The following IMMP2L variants were observed in gnomAD, a reference collection of about 807,000 sequenced individuals.
IMMP2L encodes the protein mitochondrial inner membrane protease subunit 2.
IMMP2L carries 18 observed loss-of-function variants against 19.3 expected under a neutral mutation model. The observed-to-expected ratio is 0.93, with a 90% CI of 0.64 to 1.38. The LOEUF is 1.38. IMMP2L is among the 40% of genes most tolerant of loss of function. The pLI, the probability that IMMP2L is intolerant of heterozygous loss-of-function variation, is 0.00. For synonymous variants in IMMP2L, 76 were observed against 73.0 expected (o/e 1.04, Z -0.21); for missense variants, 233 against 218.2 (o/e 1.07, Z -0.43).
At chr7:110,967,910 A>G (rs1436624758) in intron 3 of IMMP2L, among the ~76,000 whole-genome samples, 1 of 152,110 alleles carries the variant, frequency 6.6e-6, no homozygotes, top group Non-Finnish European at 1.5e-5. Context: ...ATTTGAAAAA[A>G]TGTTGCCAGA....
intron 5 of IMMP2L, among the ~76,000 whole-genome samples, chr7:110,704,732 G>T (rs141201104): frequency 1.7e-4 from 26 of 152,274 alleles, no homozygotes; most frequent in African/African-American, 5.8e-4. Context: ...AAGAAAGTAA[G>T]ACTATCAGGA....
At position 111,470,440 on chromosome 7, in the gene IMMP2L, A is replaced by G. The variant is rs1585236101; in HGVS notation, c.239+16798T>C. On this transcript the variant is annotated intron_variant, in intron 3 of 5. Coordinates refer to ENST00000405709, the MANE Select transcript of IMMP2L (RefSeq NM_032549.4). ...CATGCACACGTATGTTTATTGTGGC[A>G]CTATTCACAATAGCAAAGACTTGGA... 2.6e-5 allele frequency among the ~76,000 whole-genome samples: 4 copies of G among 152,154 alleles called. No individual in the cohort carries two copies. The East Asian group carries it at 7.7e-4, about 29-fold the overall frequency.
chr7:111,054,837 GA>G (rs529255638), intron 3 of IMMP2L, among the ~76,000 whole-genome samples: 1 of 152,188 alleles, frequency 6.6e-6, no homozygotes, highest in South Asian at 2.1e-4. Flanking sequence ...ATGTCTTCCC[GA>G]TGTGATAAAT....
At position 110,886,844 on chromosome 7, in the gene IMMP2L, T is replaced by A. The variant is rs932376687; in HGVS notation, c.306-149A>T. 8.0e-6 allele frequency: 4 copies of A among 500,872 alleles called. No individual in the cohort carries two copies. The Admixed American group carries it at 1.5e-4, about 19-fold the overall frequency. The allele number at this position is 500,872 out of a possible 1,614,324, so 31.0% of individuals were successfully genotyped here. A position where few individuals can be genotyped will look rare whatever the true frequency, so the allele number is the denominator to read the frequency against. On this transcript the variant is annotated intron_variant, in intron 4 of 5. Coordinates refer to ENST00000405709, the MANE Select transcript of IMMP2L (RefSeq NM_032549.4). ...TCCATAATTTCATTTTTAAGGAAGA[T>A]GTGGTTAGAGCAATTTGAATCTATT...
At chr7:111,300,016 T>C (rs1197497139) in intron 3 of IMMP2L, among the ~76,000 whole-genome samples, 1 of 152,164 alleles carries the variant, frequency 6.6e-6, no homozygotes, top group African/African-American at 2.4e-5. Flanking sequence ...GTAAAACTTA[T>C]TTTGAAGGAA....
chr7:111,407,822 A>G (rs568099072), intron 3 of IMMP2L, among the ~76,000 whole-genome samples: 2 of 152,180 alleles, frequency 1.3e-5, no homozygotes, highest in South Asian at 4.1e-4. Context: ...ATAAATAAAG[A>G]CATAAAAAAG....
At chr7:110,969,802 C>A (rs1309507320) in intron 3 of IMMP2L, among the ~76,000 whole-genome samples, 1 of 152,098 alleles carries the variant, frequency 6.6e-6, no homozygotes, top group Non-Finnish European at 1.5e-5. Flanking sequence ...CTGAATCAGG[C>A]TACTAAGCAG....
At chr7:110,814,661 G>A (rs1310770733) in intron 5 of IMMP2L, among the ~76,000 whole-genome samples, 6 of 148,424 alleles carry the variant, frequency 4.0e-5, no homozygotes, top group Admixed American at 6.7e-5. Context: ...ATCGCTCAGA[G>A]TAGAATTCTT....
At chr7:110,922,637 A>G (rs1814415295) in intron 4 of IMMP2L, among the ~76,000 whole-genome samples, 1 of 152,082 alleles carries the variant, frequency 6.6e-6, no homozygotes, top group African/African-American at 2.4e-5. Flanking sequence ...CACTTAATCT[A>G]CTGGTTGGGT....
chr7:110,744,292 C>G (rs1247210202), intron 5 of IMMP2L, among the ~76,000 whole-genome samples: 2 of 152,196 alleles, frequency 1.3e-5, no homozygotes, highest in Non-Finnish European at 2.9e-5. Flanking sequence ...GACAGAGCAC[C>G]TGGGGAAAGT....
chr7:110,839,015 T>C (rs931782795), intron 5 of IMMP2L, among the ~76,000 whole-genome samples: 1 of 152,082 alleles, frequency 6.6e-6, no homozygotes, highest in African/African-American at 2.4e-5. Context: ...ATACTTAATA[T>C]CACCGCATTC....
Position 110,751,988 on chromosome 7 carries a change from C to A in IMMP2L, c.409-88267G>T, listed in dbSNP as rs556978336. The stretch of plus-strand genomic sequence containing the variant: ...TATTGAAATTGCTGATCCTAAGTCC[C>A]ACACTAAGATTTTCTAAATCATTAT... On this transcript the variant is annotated intron_variant, in intron 5 of 5. Transcript: ENST00000405709. Among the ~76,000 whole-genome samples, 11 of 152,046 alleles carry A rather than the reference C, an allele frequency of 7.2e-5. No homozygotes were observed. The South Asian group carries it at 1.0e-3, about 14-fold the overall frequency.
intron 3 of IMMP2L, among the ~76,000 whole-genome samples, chr7:110,996,498 T>G (rs927655681): frequency 1.3e-5 from 2 of 152,132 alleles, no homozygotes; most frequent in African/African-American, 4.8e-5. Flanking sequence ...TTAAGAAATG[T>G]TAGCTTGCTT....
intron 5 of IMMP2L, among the ~76,000 whole-genome samples, chr7:110,809,355 T>C (rs1300990810): frequency 1.3e-5 from 2 of 152,032 alleles, no homozygotes; most frequent in Non-Finnish European, 2.9e-5. Flanking sequence ...CCTATCAACA[T>C]ATATACATTA....
At chr7:111,319,666 A>T (rs1157486718) in intron 3 of IMMP2L, among the ~76,000 whole-genome samples, 1 of 152,116 alleles carries the variant, frequency 6.6e-6, no homozygotes, top group Non-Finnish European at 1.5e-5. Context: ...AGAAGGCTAT[A>T]TTCTATAGCG....
intron 5 of IMMP2L, among the ~76,000 whole-genome samples, chr7:110,685,576 T>C (rs1191991882): frequency 6.6e-6 from 1 of 152,086 alleles, no homozygotes; most frequent in Non-Finnish European, 1.5e-5. Flanking sequence ...TTGAGAAAAA[T>C]TGTATTTGGT....
At chr7:110,862,823 T>G (rs912356300) in intron 5 of IMMP2L, among the ~76,000 whole-genome samples, 1 of 152,062 alleles carries the variant, frequency 6.6e-6, no homozygotes, top group Admixed American at 6.6e-5. Context: ...AAGATAAAGA[T>G]ATCTTTCTCT....
chr7:110,827,572 G>A lies in IMMP2L; in HGVS notation c.408+59021C>T, dbSNP rs546166257. On this transcript the variant is annotated intron_variant, in intron 5 of 5. Coordinates refer to ENST00000405709, the MANE Select transcript of IMMP2L (RefSeq NM_032549.4). ...GACAAATGTGCAAACAAGACCTATAGCGTTGTGTGACAAATACTGTAACAG... is the reference window on the plus strand; with the variant it reads ...GACAAATGTGCAAACAAGACCTATAACGTTGTGTGACAAATACTGTAACAG... 3.9e-5 allele frequency among the ~76,000 whole-genome samples: 6 copies of A among 152,288 alleles called. No homozygotes were observed. The South Asian group carries it at 1.2e-3, about 32-fold the overall frequency.
intron 4 of IMMP2L, among the ~76,000 whole-genome samples, chr7:110,938,729 C>G (rs1816385163): frequency 6.6e-6 from 1 of 152,030 alleles, no homozygotes; most frequent in Non-Finnish European, 1.5e-5. Context: ...CCCCCTAAAT[C>G]TACAAAACAA....
Sources: allele counts gnomAD v4.1 joint callset (sites outside exome capture counted in the v4.1 genomes callset), GRCh38; gene constraint gnomAD v4.1.1; transcripts MANE v1.5; gene names NCBI Gene and HGNC (gene_info 2026-07-23, HGNC 2026-07-21).